Variants in ZNF469 observed in about 807,000 individuals in gnomAD.
ZNF469 encodes zinc finger protein 469.
Under a neutral mutation model 1.0 loss-of-function variants are expected in ZNF469, and 1 was observed. That is an observed-to-expected ratio of 1.00 (90% CI 0.35 to 4.73). ZNF469 has a LOEUF of 4.73. ZNF469 is among the 30% of genes most tolerant of loss of function. The pLI is 0.16. For synonymous variants in ZNF469, 2,703 were observed against 2,363.4 expected, an observed-to-expected ratio of 1.14 and a Z score of -4.17; for missense variants, 6,100 against 5,356.3, an observed-to-expected ratio of 1.14 and a Z score of -4.33.
chr16:88,342,725 G>T, the ZNF469 span, among the ~76,000 whole-genome samples: 1 of 152,238 alleles, frequency 6.6e-6, no homozygotes, highest in Non-Finnish European at 1.5e-5. Context: ...TTTTCAAGGT[G>T]GCATCTGTTC....
chr16:88,242,794 G>A, the ZNF469 span, among the ~76,000 whole-genome samples: 3 of 152,224 alleles, frequency 2.0e-5, no homozygotes, highest in Admixed American at 6.5e-5. Context: ...TGTCTCTAAA[G>A]CCCAGGGTGT....
chr16:88,394,150 GT>G (rs1463067596), intron 1 of ZNF469, among the ~76,000 whole-genome samples: 18,432 of 149,432 alleles, frequency 0.12, 5,373 homozygotes, highest in Non-Finnish European at 0.16. Flanking sequence ...CACCTGCGCT[GT>G]CCGAGAGGGA....
chr16:88,415,157 T>G (rs1905271566), intron 1 of ZNF469, among the ~76,000 whole-genome samples: 1 of 152,052 alleles, frequency 6.6e-6, no homozygotes, highest in Non-Finnish European at 1.5e-5. Flanking sequence ...TGTGGGGCCT[T>G]GAGAGGATTC....
chr16:88,232,450 G>A, the ZNF469 span, among the ~76,000 whole-genome samples: 15 of 151,992 alleles, frequency 9.9e-5, no homozygotes, highest in African/African-American at 3.4e-4. Flanking sequence ...TGGGACTTTC[G>A]GGGGTGTCCA....
Position 88,415,051 on chromosome 16 carries a change from C to T in ZNF469, c.-191-9756C>T, listed in dbSNP as rs552287241. On this transcript the variant is annotated intron_variant, in intron 1 of 2. Coordinates refer to ENST00000565624, the MANE Select transcript of ZNF469 (RefSeq NM_001367624.2). ...CTCGGCCTCGCAGAGACTCCGGTCC[C>T]GGGTGCCACTTCCCACTGTGTGGCC... Among the ~76,000 whole-genome samples the T allele has an allele frequency of 1.2e-3, 184 of 152,348 alleles. 2 individuals carry two copies. The highest frequency in any genetic ancestry group is 4.2e-3 in the African/African-American group (173 of 41,588).
Position 88,429,366 on chromosome 16 carries a change from G to T in ZNF469, c.1896G>T (p.Ser632=). 1 of 1,549,742 alleles carries T rather than the reference G, an allele frequency of 6.5e-7. No individual in the cohort carries two copies. The highest frequency in any genetic ancestry group is 1.4e-5 in the African/African-American group (1 of 73,102). The part of the protein sequence containing the change: ...ESQLPGPLGP[S]AFFHPPTHPQ... ...AGCTCCCCGGCCCCCTCGGGCCCTC[G>T]GCCTTCTTCCACCCACCCACTCACC... Residue 632 remains serine, a synonymous_variant, in exon 3 of 3, where the codon TCG becomes TCT. Coordinates refer to ENST00000565624, the MANE Select transcript of ZNF469 (RefSeq NM_001367624.2).
At chr16:88,364,474 T>C in the ZNF469 span, among the ~76,000 whole-genome samples, 1 of 139,154 alleles carries the variant, frequency 7.2e-6, no homozygotes, top group Non-Finnish European at 1.5e-5. Context: ...ATCAGCTTGT[T>C]AGCTTGTTGA....
the ZNF469 span, among the ~76,000 whole-genome samples, chr16:88,228,017 C>T: frequency 6.6e-6 from 1 of 152,262 alleles, no homozygotes; most frequent in African/African-American, 2.4e-5. Context: ...GTTGTTCCTT[C>T]CATGTCTTCA....
At chr16:88,251,431 G>A in the ZNF469 span, among the ~76,000 whole-genome samples, 1 of 150,182 alleles carries the variant, frequency 6.7e-6, no homozygotes, top group African/African-American at 2.5e-5. Context: ...GGAATCTGTT[G>A]TGTTCTTCTG....
rs1169310107 is a variant in ZNF469 at position 88,432,830 on chromosome 16, A to G, written c.5360A>G (p.His1787Arg). ...GAGCCCGGCACAGCAGACCAGCCCC[A>G]CCGAGGGGCCCCTGCTCCAGAAGCT... Reference protein sequence around the residue: ...LPEPGTADQPHRGAPAPEAFG... With the variant: ...LPEPGTADQPRRGAPAPEAFG... The change falls in exon 3 of 3, where the codon CAC becomes CGC. Residue 1787 changes from histidine (H) to arginine (R), a missense_variant. Physicochemically the swap from His to Arg is conservative, Grantham distance 29 (BLOSUM62 0). Transcript: ENST00000565624. 1 of 1,550,228 alleles carries G rather than the reference A, an allele frequency of 6.5e-7. No homozygotes were observed. The highest frequency in any genetic ancestry group is 1.2e-5 in the South Asian group (1 of 84,050).
the ZNF469 span, among the ~76,000 whole-genome samples, chr16:88,167,053 C>CT: frequency 0.59 from 48,974 of 82,826 alleles, 15,884 homozygotes; most frequent in Non-Finnish European, 0.65. Context: ...CAGGCTTATT[C>CT]TTTTTTTTTT....
chr16:88,270,218 C>G, the ZNF469 span, among the ~76,000 whole-genome samples: 1 of 152,168 alleles, frequency 6.6e-6, no homozygotes, highest in Admixed American at 6.5e-5. Context: ...GGGCCCTGCT[C>G]CCCACCCTGG....
chr16:88,354,313 G>A, the ZNF469 span, among the ~76,000 whole-genome samples: 1 of 152,198 alleles, frequency 6.6e-6, no homozygotes, highest in Non-Finnish European at 1.5e-5. Context: ...TGCCAGCCCA[G>A]TGCCAGGTTC....
At chr16:88,303,407 G>A in the ZNF469 span, among the ~76,000 whole-genome samples, 93,505 of 152,078 alleles carry the variant, frequency 0.61, 28,926 homozygotes, top group East Asian at 0.77. Flanking sequence ...CTTTCCAGCC[G>A]GGATCCCTGC....
the ZNF469 span, among the ~76,000 whole-genome samples, chr16:88,227,267 G>A: frequency 6.6e-6 from 1 of 152,170 alleles, no homozygotes; most frequent in African/African-American, 2.4e-5. Context: ...TCTCCCCAGG[G>A]CCGGGAACAG....
the ZNF469 span, among the ~76,000 whole-genome samples, chr16:88,186,395 C>T: frequency 6.6e-6 from 1 of 152,350 alleles, no homozygotes; most frequent in African/African-American, 2.4e-5. Context: ...AACAGAGCTG[C>T]TCCTTTCCAG....
the ZNF469 span, among the ~76,000 whole-genome samples, chr16:88,186,854 C>T: frequency 6.6e-6 from 1 of 152,110 alleles, no homozygotes; most frequent in Non-Finnish European, 1.5e-5. Flanking sequence ...TTTGAGGAAG[C>T]GGCTGTGACT....
the ZNF469 span, among the ~76,000 whole-genome samples, chr16:88,280,374 G>A: frequency 5.9e-5 from 9 of 151,976 alleles, no homozygotes; most frequent in African/African-American, 2.2e-4. Context: ...TGATGTTGGT[G>A]CACAGATCAG....
the ZNF469 span, among the ~76,000 whole-genome samples, chr16:88,286,415 C>A: frequency 1.3e-5 from 2 of 152,218 alleles, no homozygotes; most frequent in Non-Finnish European, 2.9e-5. Flanking sequence ...TCGCTGGTGC[C>A]CTCTTCTCCC....
Sources: allele counts gnomAD v4.1 joint callset (sites outside exome capture counted in the v4.1 genomes callset), GRCh38; gene constraint gnomAD v4.1.1; transcripts MANE v1.5; gene names NCBI Gene and HGNC (gene_info 2026-07-23, HGNC 2026-07-21).